Variants in KCNH7 observed in about 807,000 individuals in gnomAD.
KCNH7 encodes potassium voltage-gated channel subfamily H member 7.
In KCNH7, 49 loss-of-function variants were observed where a neutral mutation model predicts 120.8. The observed-to-expected ratio is 0.41, with a 90% CI of 0.32 to 0.51. The LOEUF (loss-of-function observed/expected upper bound fraction) is 0.51, where lower values mean the gene tolerates loss of function less well. KCNH7 is among the 20% of genes least tolerant of loss of function. The pLI is 0.38. For missense variants in KCNH7, 1,097 were observed against 1,446.6 expected, an observed-to-expected ratio of 0.76 and a Z score of 3.92; for synonymous variants, 547 against 516.1, an observed-to-expected ratio of 1.06 and a Z score of -0.81.
At chr2:162,576,312 A>C (rs1214965903) in intron 2 of KCNH7, among the ~76,000 whole-genome samples, 1 of 152,066 alleles carries the variant, frequency 6.6e-6, no homozygotes, top group African/African-American at 2.4e-5. Context: ...ACTTCTCTGC[A>C]ACTTTGCCGG....
chr2:162,517,697 A>G (rs1410709050), intron 4 of KCNH7, 33 bp downstream of exon 4: 2 of 1,473,270 alleles, frequency 1.4e-6, no homozygotes, highest in Non-Finnish European at 1.8e-6. Flanking sequence ...ACCCATTAAT[A>G]TATGTTTCCA....
At chr2:162,383,412 G>T (rs1201362720) in intron 13 of KCNH7, among the ~76,000 whole-genome samples, 3 of 151,810 alleles carry the variant, frequency 2.0e-5, no homozygotes, top group African/African-American at 7.3e-5. Context: ...ACTTCATCAA[G>T]ATTTTAGATT....
At chr2:162,510,046 G>C (rs1166019327) in intron 5 of KCNH7, among the ~76,000 whole-genome samples, 1 of 151,584 alleles carries the variant, frequency 6.6e-6, no homozygotes, top group Non-Finnish European at 1.5e-5. Context: ...ATTAATATAT[G>C]AGTGATGGAG....
chr2:162,390,089 G>C (rs1276981595), intron 12 of KCNH7, among the ~76,000 whole-genome samples: 1 of 151,850 alleles, frequency 6.6e-6, no homozygotes, highest in Non-Finnish European at 1.5e-5. Flanking sequence ...ATTATTCTCT[G>C]CCAAAAGGTC....
chr2:162,791,345 A>T (rs1258409260), intron 2 of KCNH7, among the ~76,000 whole-genome samples: 4 of 152,070 alleles, frequency 2.6e-5, no homozygotes. Flanking sequence ...TTTAATAGGA[A>T]TACTATTGAA....
At chr2:162,830,575 G>T (rs1181078434) in intron 2 of KCNH7, among the ~76,000 whole-genome samples, 2 of 152,120 alleles carry the variant, frequency 1.3e-5, no homozygotes, top group African/African-American at 2.4e-5. Context: ...AATCCAGCTG[G>T]ATTTCTCTAA....
chr2:162,703,608 T>C (rs902843280), intron 2 of KCNH7, among the ~76,000 whole-genome samples: 2 of 152,178 alleles, frequency 1.3e-5, no homozygotes, highest in Admixed American at 6.6e-5. Context: ...CGGAGAATGT[T>C]AAACATTGTA....
intron 2 of KCNH7, among the ~76,000 whole-genome samples, chr2:162,576,763 G>C (rs147324592): frequency 4.2e-4 from 64 of 152,056 alleles, no homozygotes; most frequent in African/African-American, 1.3e-3. Context: ...TGTAATAAAA[G>C]AAAGAAGTGA....
At chr2:162,435,113 C>T in intron 8 of KCNH7, 85 bp downstream of exon 8, 1 of 1,265,238 alleles carries the variant, frequency 7.9e-7, no homozygotes, top group Non-Finnish European at 1.1e-6. Context: ...TAATCTTTTT[C>T]TTTGCCTTAC....
chr2:162,401,195 G>A (rs1224395614), intron 9 of KCNH7, among the ~76,000 whole-genome samples: 3 of 151,802 alleles, frequency 2.0e-5, no homozygotes, highest in Non-Finnish European at 4.4e-5. Context: ...TTAAACAATA[G>A]CTTGTGACAA....
At chr2:162,449,752 T>C (rs893297552) in intron 6 of KCNH7, among the ~76,000 whole-genome samples, 5 of 152,068 alleles carry the variant, frequency 3.3e-5, no homozygotes, top group Non-Finnish European at 7.4e-5. Flanking sequence ...CTTGCCCACA[T>C]CTTGATTTCA....
At chr2:162,463,276 A>C (rs1374697567) in intron 6 of KCNH7, among the ~76,000 whole-genome samples, 1 of 151,992 alleles carries the variant, frequency 6.6e-6, no homozygotes, top group Non-Finnish European at 1.5e-5. Flanking sequence ...AAGTAAAACA[A>C]GGTGTCTTCC....
At chr2:162,792,579 A>C (rs1217365809) in intron 2 of KCNH7, among the ~76,000 whole-genome samples, 2 of 151,942 alleles carry the variant, frequency 1.3e-5, no homozygotes, top group African/African-American at 4.8e-5. Flanking sequence ...AGAGGTGTTT[A>C]TAATATTATC....
chr2:162,572,239 C>G (rs1693506084), intron 2 of KCNH7, among the ~76,000 whole-genome samples: 1 of 151,616 alleles, frequency 6.6e-6, no homozygotes, highest in Admixed American at 6.6e-5. Context: ...GGGTGAAGGA[C>G]ATGAACAGAC....
At chr2:162,813,668 C>CT (rs1684813561) in intron 2 of KCNH7, among the ~76,000 whole-genome samples, 1 of 152,138 alleles carries the variant, frequency 6.6e-6, no homozygotes, top group Non-Finnish European at 1.5e-5. Context: ...GGAAAACTTC[C>CT]TTTTAATATT....
In KCNH7 at chr2:162,446,063, T is replaced by A; in HGVS notation, c.1509A>T (p.Ala503=). ...FKGWFLIDMV[A]AIPFDLLIFG... Reference sequence around the variant, plus strand: ...AAATCAGCAAGTCAAAAGGAATTGCTGCAACCATGTCAATCAGGAACCAGC... The same window carrying A: ...AAATCAGCAAGTCAAAAGGAATTGCAGCAACCATGTCAATCAGGAACCAGC... The change falls in exon 7 of 16, where the codon GCA becomes GCT. Residue 503 remains alanine (A), a synonymous_variant. Transcript: ENST00000332142. The A allele has an allele frequency of 6.2e-7, 1 of 1,613,860 alleles. No homozygotes were observed. Among genetic ancestry groups the A allele is most frequent in the Non-Finnish European group, 8.5e-7 (1 of 1,179,846 alleles).
intron 6 of KCNH7, among the ~76,000 whole-genome samples, chr2:162,485,024 A>C (rs1481712019): frequency 6.6e-6 from 1 of 152,194 alleles, no homozygotes; most frequent in African/African-American, 2.4e-5. Flanking sequence ...AGATTAAGAC[A>C]CATGAAAAGA....
intron 2 of KCNH7, among the ~76,000 whole-genome samples, chr2:162,560,104 G>A (rs1188741684): frequency 6.6e-6 from 1 of 152,172 alleles, no homozygotes; most frequent in Non-Finnish European, 1.5e-5. Context: ...GATGCCAACT[G>A]CAAGAATAAT....
intron 2 of KCNH7, among the ~76,000 whole-genome samples, chr2:162,685,932 A>G (rs115697553): frequency 0.02 from 3,079 of 152,220 alleles, 107 homozygotes; most frequent in African/African-American, 0.068. Context: ...GAGAACAAAG[A>G]AGACAAAACA....
Sources: allele counts gnomAD v4.1 joint callset (sites outside exome capture counted in the v4.1 genomes callset), GRCh38; gene constraint gnomAD v4.1.1; transcripts MANE v1.5; gene names NCBI Gene and HGNC (gene_info 2026-07-23, HGNC 2026-07-21).